Variants in RIMS2 observed in about 807,000 individuals in gnomAD.
RIMS2 encodes the protein regulating synaptic membrane exocytosis 2, also known as regulating synaptic membrane exocytosis protein 2.
A neutral mutation model predicts 174.4 loss-of-function variants in RIMS2; 59 were observed. That is an observed-to-expected ratio of 0.34 (90% CI 0.27 to 0.42). The LOEUF is 0.42. Among genes scored for constraint, RIMS2 ranks in the 10% least tolerant of loss-of-function variants. The pLI, the probability that RIMS2 is intolerant of heterozygous loss-of-function variation, is 1.00. For synonymous variants in RIMS2, 606 were observed against 572.5 expected (o/e 1.06, Z -0.84); for missense variants, 1,620 against 1,666.3 (o/e 0.97, Z 0.48).
intron 1 of RIMS2, among the ~76,000 whole-genome samples, chr8:103,553,844 A>G (rs199579656): frequency 7.6e-6 from 1 of 132,144 alleles, no homozygotes; most frequent in Non-Finnish European, 1.7e-5. Context: ...GTACTGGTAC[A>G]AAAACAGACA....
intron 2 of RIMS2, among the ~76,000 whole-genome samples, chr8:103,707,718 C>T (rs942780092): frequency 5.3e-5 from 8 of 152,188 alleles, no homozygotes; most frequent in African/African-American, 1.7e-4. Context: ...CCCATGGCGT[C>T]TCAAATCAGC....
At chr8:103,980,356 G>T (rs777105223) in intron 16 of RIMS2, among the ~76,000 whole-genome samples, 7 of 152,104 alleles carry the variant, frequency 4.6e-5, no homozygotes, top group Non-Finnish European at 1.0e-4. Context: ...GCCTTGAAGG[G>T]AAGGACCCAG....
intron 4 of RIMS2, 198 bp from the exon 8 acceptor site, chr8:103,910,123 G>A: frequency 6.3e-7 from 1 of 1,584,666 alleles, no homozygotes; most frequent in Non-Finnish European, 8.6e-7. Flanking sequence ...TCTTTTGTCT[G>A]ACTCTCACAG....
chr8:104,096,289 C>T (rs967514719), intron 19 of RIMS2, among the ~76,000 whole-genome samples: 4 of 152,194 alleles, frequency 2.6e-5, no homozygotes, highest in Admixed American at 6.5e-5. Context: ...AGATCCCACG[C>T]TGCCATACCT....
intron 19 of RIMS2, among the ~76,000 whole-genome samples, chr8:104,188,134 A>G (rs2098977839): frequency 6.6e-6 from 1 of 151,658 alleles, no homozygotes; most frequent in East Asian, 1.9e-4. Context: ...GATTGGTACT[A>G]AAGGTATAGA....
chr8:103,607,340 T>G (rs1452801199), intron 1 of RIMS2, among the ~76,000 whole-genome samples: 1 of 152,052 alleles, frequency 6.6e-6, no homozygotes, highest in Non-Finnish European at 1.5e-5. Context: ...CCCACTCTCT[T>G]CTGGCTTGTA....
intron 3 of RIMS2, among the ~76,000 whole-genome samples, chr8:103,803,655 A>C (rs924957454): frequency 3.9e-5 from 6 of 152,198 alleles, no homozygotes; most frequent in Non-Finnish European, 8.8e-5. Flanking sequence ...ATGTTGGGAT[A>C]GTCAGTTATA....
intron 1 of RIMS2, among the ~76,000 whole-genome samples, chr8:103,566,042 G>A (rs959339145): frequency 2.0e-5 from 3 of 152,114 alleles, no homozygotes; most frequent in Admixed American, 6.6e-5. Context: ...AAATTGAGGT[G>A]CCACTGAGTT....
At chr8:104,234,826 G>T (rs561690958) in intron 19 of RIMS2, among the ~76,000 whole-genome samples, 1 of 152,076 alleles carries the variant, frequency 6.6e-6, no homozygotes, top group Non-Finnish European at 1.5e-5. Context: ...TGCAGATGAG[G>T]ATCAAGACAC....
Position 104,239,621 on chromosome 8 carries a change from TAC to T in RIMS2, c.3335-5293_3335-5292del, listed in dbSNP as rs542109345. On this transcript the variant is annotated intron_variant, in intron 19 of 23. Coordinates refer to ENST00000504942, the Ensembl canonical transcript of RIMS2. ...CTTTTTAAAATAATGGTTAAGTTTT[TAC>T]AGTTTTGATGGTCCACCCCTAAGTC... Among the ~76,000 whole-genome samples the T allele has an allele frequency of 2.7e-3, 412 of 152,330 alleles. 2 individuals carry two copies. The highest frequency in any genetic ancestry group is 9.3e-3 in the African/African-American group (385 of 41,574).
intron 1 of RIMS2, among the ~76,000 whole-genome samples, chr8:103,629,821 C>G (rs868011804): frequency 6.6e-6 from 1 of 151,286 alleles, no homozygotes; most frequent in Admixed American, 6.6e-5. Context: ...AAACTATAAA[C>G]TTGAAACCTG....
chr8:103,701,581 C>T (rs2097168435), intron 2 of RIMS2, among the ~76,000 whole-genome samples: 1 of 152,086 alleles, frequency 6.6e-6, no homozygotes. Context: ...ATTCCCGCTT[C>T]CTCCTACCCT....
chr8:103,612,171 G>A (rs1254362220), intron 1 of RIMS2, among the ~76,000 whole-genome samples: 2 of 152,082 alleles, frequency 1.3e-5, no homozygotes, highest in Admixed American at 1.3e-4. Flanking sequence ...TTATCTGATA[G>A]AATTTTGAAT....
At chr8:103,588,490 A>T (rs572209471) in intron 1 of RIMS2, among the ~76,000 whole-genome samples, 1 of 151,990 alleles carries the variant, frequency 6.6e-6, no homozygotes. Context: ...GAGGAATCAC[A>T]TTACCTGACT....
At chr8:103,616,973 A>G (rs62527085) in intron 1 of RIMS2, among the ~76,000 whole-genome samples, 1 of 152,184 alleles carries the variant, frequency 6.6e-6, no homozygotes, top group Non-Finnish European at 1.5e-5. Flanking sequence ...ATTTGGTGCT[A>G]TTCTTACCAA....
intron 3 of RIMS2, among the ~76,000 whole-genome samples, chr8:103,829,088 T>C (rs1183844445): frequency 2.0e-5 from 1 of 50,244 alleles, no homozygotes; most frequent in African/African-American, 1.2e-4. Context: ...AATAATAGGT[T>C]TTTTTTTTTT....
chr8:104,005,916 A>T (rs2095559170), intron 17 of RIMS2, among the ~76,000 whole-genome samples: 1 of 152,002 alleles, frequency 6.6e-6, no homozygotes, highest in Admixed American at 6.5e-5. Flanking sequence ...TATGTAGAAC[A>T]TAGACTATGT....
At chr8:103,920,723 C>T (rs1217340290) in intron 9 of RIMS2, 3 of 456,854 alleles carry the variant, frequency 6.6e-6, no homozygotes, top group South Asian at 4.6e-5. Context: ...AGCGTGGTGG[C>T]TCACGCGTGT....
rs56206546 is a variant in RIMS2, at chr8:104,012,354, CTTTTTTT to C, written c.3045-1080_3045-1074del. On this transcript the variant is annotated intron_variant, in intron 17 of 23. Coordinates refer to ENST00000504942, the Ensembl canonical transcript of RIMS2. ...ATTTGGGAAATTATGTCCTTTTTTTCTTTTTTTTTTTTTTAAATTACTTGCACTTTTC... is the reference window on the plus strand; with the variant it reads ...ATTTGGGAAATTATGTCCTTTTTTTCTTTTTTTAAATTACTTGCACTTTTC... Among the ~76,000 whole-genome samples, 1,326 of 139,036 alleles carry C rather than the reference CTTTTTTT, an allele frequency of 9.5e-3. 19 individuals are homozygous for C. Among genetic ancestry groups the C allele is most frequent in the African/African-American group, 0.029 (1,092 of 37,836 alleles). 91.2% of individuals were successfully genotyped at this position (139,036 alleles called of 152,430 possible).
Sources: gnomAD v4.1 joint callset for allele counts (sites outside exome capture counted in the v4.1 genomes callset) on GRCh38, gnomAD v4.1.1 for gene constraint, MANE v1.5 for transcripts, NCBI Gene and HGNC (gene_info 2026-07-23, HGNC 2026-07-21) for gene names.